The following DCC variants were observed in gnomAD, a reference collection of about 807,000 sequenced individuals.
DCC encodes netrin receptor DCC.
Under a neutral mutation model 172.5 loss-of-function variants are expected in DCC, and 58 were observed. The observed-to-expected ratio is 0.34, with a 90% confidence interval of 0.27 to 0.42. The LOEUF (loss-of-function observed/expected upper bound fraction) is 0.42, where lower values mean the gene tolerates loss of function less well. DCC is among the 10% of genes least tolerant of loss of function. The pLI, the probability that DCC is intolerant of heterozygous loss-of-function variation, is 1.00. For synonymous variants in DCC, 709 were observed against 644.5 expected (o/e 1.10, Z -1.52); for missense variants, 1,740 against 1,791.0 (o/e 0.97, Z 0.51).
intron 1 of DCC, among the ~76,000 whole-genome samples, chr18:52,714,777 C>A (rs528556987): frequency 3.3e-5 from 5 of 152,306 alleles, no homozygotes; most frequent in African/African-American, 1.2e-4. Context: ...TCTATCCTCT[C>A]TCTCTCTCTG....
intron 15 of DCC, among the ~76,000 whole-genome samples, chr18:53,349,494 CA>C (rs1344890465): frequency 6.6e-6 from 1 of 152,160 alleles, no homozygotes; most frequent in Non-Finnish European, 1.5e-5. Flanking sequence ...GGTATCTTTT[CA>C]GCAACCTCCA....
intron 1 of DCC, among the ~76,000 whole-genome samples, chr18:52,630,504 T>C (rs1414796934): frequency 1.3e-5 from 2 of 152,322 alleles, no homozygotes; most frequent in South Asian, 4.1e-4. Context: ...ATAATGCTTA[T>C]AAATTTAAGA....
intron 5 of DCC, among the ~76,000 whole-genome samples, chr18:53,040,181 A>C (rs768302705): frequency 9.2e-5 from 14 of 152,024 alleles, no homozygotes; most frequent in Admixed American, 2.0e-4. Flanking sequence ...CTTCTGATAA[A>C]ATAAAAATAG....
intron 1 of DCC, among the ~76,000 whole-genome samples, chr18:52,724,035 G>A (rs1312611705): frequency 6.6e-6 from 1 of 152,186 alleles, no homozygotes. Context: ...GAGGCAGAAA[G>A]GGGCAATAGT....
At chr18:52,367,079 T>A (rs1984902777) in intron 1 of DCC, among the ~76,000 whole-genome samples, 8 of 152,102 alleles carry the variant, frequency 5.3e-5, no homozygotes, top group Admixed American at 2.6e-4. Context: ...CGGTGAGAAA[T>A]CGAGCGCAGC....
chr18:52,422,503 G>A (rs1002326766), intron 1 of DCC, among the ~76,000 whole-genome samples: 19 of 152,104 alleles, frequency 1.2e-4, no homozygotes, highest in African/African-American at 3.9e-4. Flanking sequence ...GATCATAGTT[G>A]GGAAGACTGT....
At chr18:53,466,990 G>A (rs1446431467) in intron 24 of DCC, among the ~76,000 whole-genome samples, 1 of 152,018 alleles carries the variant, frequency 6.6e-6, no homozygotes, top group Non-Finnish European at 1.5e-5. Flanking sequence ...TTTAAAAAAT[G>A]CATGCATATG....
intron 25 of DCC, 89 bp from the exon 26 acceptor site, chr18:53,486,708 T>C: frequency 2.6e-6 from 4 of 1,564,010 alleles, no homozygotes; most frequent in Non-Finnish European, 2.6e-6. Context: ...TGTATAGATT[T>C]GAGGATCTGA....
chr18:53,406,981 A>G (rs1909702583), intron 19 of DCC, among the ~76,000 whole-genome samples: 2 of 152,158 alleles, frequency 1.3e-5, no homozygotes, highest in South Asian at 2.1e-4. Flanking sequence ...TTCACCACAT[A>G]TATAAGGAAT....
intron 1 of DCC, among the ~76,000 whole-genome samples, chr18:52,650,240 C>A (rs368232577): frequency 6.6e-6 from 1 of 151,974 alleles, no homozygotes; most frequent in Non-Finnish European, 1.5e-5. Context: ...CAGCCTCCTA[C>A]GGTACTGGGA....
At chr18:52,646,267 A>C (rs2035016568) in intron 1 of DCC, among the ~76,000 whole-genome samples, 1 of 152,204 alleles carries the variant, frequency 6.6e-6, no homozygotes, top group Admixed American at 6.5e-5. Context: ...TTATAAGCTT[A>C]ATTTCTACAT....
intron 20 of DCC, among the ~76,000 whole-genome samples, chr18:53,413,410 G>GA (rs1176308932): frequency 6.6e-6 from 1 of 152,042 alleles, no homozygotes; most frequent in African/African-American, 2.4e-5. Context: ...ACATATGATA[G>GA]AAAAAAATCA....
intron 15 of DCC, among the ~76,000 whole-genome samples, chr18:53,366,246 G>A (rs373611427): frequency 5.9e-5 from 9 of 151,910 alleles, no homozygotes; most frequent in Admixed American, 3.9e-4. Context: ...TAGTAGAGAC[G>A]GGGTTTCACC....
chr18:53,257,279 G>T (rs561021834), intron 12 of DCC, among the ~76,000 whole-genome samples: 3 of 152,014 alleles, frequency 2.0e-5, no homozygotes, highest in Non-Finnish European at 2.9e-5. Context: ...GAGGGCATCC[G>T]TGTCTTGTGC....
rs186165489 is a variant in DCC, at chr18:52,872,890, C to A, written c.413-33154C>A. 1.4e-3 allele frequency among the ~76,000 whole-genome samples: 217 copies of A among 152,198 alleles called. 1 individual carries two copies. The highest frequency in any genetic ancestry group is 0.012 in the South Asian group (57 of 4,816). On this transcript the variant is annotated intron_variant, in intron 2 of 28. Transcript: ENST00000442544. Reference sequence around the variant, plus strand: ...CACCACATTTTATTATTTCTTTGCCCTCCTCTGGTCACTTCAAGTTAGAAA... The same window carrying A: ...CACCACATTTTATTATTTCTTTGCCATCCTCTGGTCACTTCAAGTTAGAAA...
At chr18:53,441,496 A>G (rs1912273011) in intron 22 of DCC, among the ~76,000 whole-genome samples, 1 of 152,074 alleles carries the variant, frequency 6.6e-6, no homozygotes, top group Admixed American at 6.6e-5. Context: ...CGACGTATTC[A>G]AGACTAAACT....
chr18:52,572,273 G>C (rs535548838), intron 1 of DCC, among the ~76,000 whole-genome samples: 1 of 152,152 alleles, frequency 6.6e-6, no homozygotes. Flanking sequence ...CAGATACAGC[G>C]TGGGACACTG....
At chr18:53,288,017 C>G (rs1294355673) in intron 12 of DCC, among the ~76,000 whole-genome samples, 1 of 152,068 alleles carries the variant, frequency 6.6e-6, no homozygotes, top group Non-Finnish European at 1.5e-5. Flanking sequence ...CCCTCTCTTG[C>G]AATACCGTCA....
At chr18:53,107,541 G>GAAAAAAAA (rs11458727) in intron 7 of DCC, among the ~76,000 whole-genome samples, 1 of 137,552 alleles carries the variant, frequency 7.3e-6, no homozygotes, top group African/African-American at 2.7e-5. Context: ...AAAAAGGAAG[G>GAAAAAAAA]AAAAAAAAAA....
Sources: gnomAD v4.1 joint callset for allele counts (sites outside exome capture counted in the v4.1 genomes callset) on GRCh38, gnomAD v4.1.1 for gene constraint, MANE v1.5 for transcripts, NCBI Gene and HGNC (gene_info 2026-07-23, HGNC 2026-07-21) for gene names.